WDPCP: variants seen among roughly 807,000 people sequenced by gnomAD.
WDPCP encodes WD repeat containing planar cell polarity effector, also known as WD repeat-containing and planar cell polarity effector protein fritz homolog.
WDPCP carries 71 observed loss-of-function variants against 93.1 expected under a neutral mutation model. The ratio of observed to expected loss-of-function variants is 0.76; its 90% CI spans 0.63 to 0.93. The LOEUF is 0.93. Among genes scored for constraint, WDPCP ranks in the 40% least tolerant of loss-of-function variants. WDPCP has a pLI of 0.00. For synonymous variants in WDPCP, 315 were observed against 315.0 expected, an observed-to-expected ratio of 1.00 and a Z score of 0.00; for missense variants, 844 against 887.4, an observed-to-expected ratio of 0.95 and a Z score of 0.62.
intron 6 of WDPCP, chr2:63,441,889 A>G (rs1436060460): frequency 6.6e-6 from 1 of 152,180 alleles, no homozygotes; most frequent in Non-Finnish European, 1.5e-5. Context: ...GCTCAAAAAG[A>G]AATCAAATAT....
At chr2:63,784,441 C>T (rs899009178) in intron 2 of WDPCP, among the ~76,000 whole-genome samples, 4 of 151,760 alleles carry the variant, frequency 2.6e-5, no homozygotes, top group Non-Finnish European at 5.9e-5. Flanking sequence ...GAATGTGGGT[C>T]CAAAAAAGCT....
chr2:63,492,815 C>T, intron 2 of WDPCP, 41 bp downstream of exon 2: 1 of 1,560,930 alleles, frequency 6.4e-7, no homozygotes, highest in Non-Finnish European at 8.8e-7. Flanking sequence ...AATGGTGTAA[C>T]ATATTTGAAA....
At chr2:63,135,017 G>C (rs1196503417) in intron 17 of WDPCP, among the ~76,000 whole-genome samples, 2 of 152,102 alleles carry the variant, frequency 1.3e-5, no homozygotes, top group Admixed American at 1.3e-4. Context: ...TAGCTACCTG[G>C]GAGGCTCAGG....
At chr2:63,638,605 T>C (rs181219945) in intron 3 of WDPCP, among the ~76,000 whole-genome samples, 3 of 152,054 alleles carry the variant, frequency 2.0e-5, no homozygotes, top group Non-Finnish European at 2.9e-5. Flanking sequence ...GTCTGGGCAA[T>C]ATAGTGAGAC....
intron 10 of WDPCP, among the ~76,000 whole-genome samples, chr2:63,382,484 A>C (rs535070637): frequency 3.3e-5 from 5 of 152,198 alleles, no homozygotes; most frequent in Non-Finnish European, 4.4e-5. Flanking sequence ...GTAATTTTTT[A>C]AATCTTTTCA....
intron 6 of WDPCP, among the ~76,000 whole-genome samples, chr2:63,446,880 T>C (rs1284413980): frequency 1.3e-5 from 2 of 152,248 alleles, no homozygotes; most frequent in Admixed American, 1.3e-4. Context: ...GTCTCTTGAA[T>C]AACTTATCCG....
intron 3 of WDPCP, chr2:63,599,512 G>A (rs1186589731): frequency 3.5e-5 from 12 of 344,864 alleles, no homozygotes; most frequent in South Asian, 1.7e-4. Context: ...ACTTGATTTC[G>A]TCTTTAACTA....
intron 14 of WDPCP, among the ~76,000 whole-genome samples, chr2:63,226,588 C>T (rs1678311456): frequency 6.6e-6 from 1 of 151,732 alleles, no homozygotes; most frequent in African/African-American, 2.4e-5. Flanking sequence ...CCCAGCTATT[C>T]CTTCTGCTTA....
At chr2:63,826,323 G>A (rs1272454896) in intron 1 of WDPCP, among the ~76,000 whole-genome samples, 4 of 151,370 alleles carry the variant, frequency 2.6e-5, no homozygotes, top group Non-Finnish European at 5.9e-5. Context: ...AGGCCACTCT[G>A]CCTCGCTAGT....
At chr2:63,336,895 C>CTTT (rs70965120) in intron 12 of WDPCP, among the ~76,000 whole-genome samples, 2,737 of 122,280 alleles carry the variant, frequency 0.022, 258 homozygotes, top group African/African-American at 0.07. Flanking sequence ...ATGAGAGTCA[C>CTTT]TTTTTTTTTT....
chr2:63,705,146 C>T (rs1669129176), intron 2 of WDPCP, among the ~76,000 whole-genome samples: 1 of 152,054 alleles, frequency 6.6e-6, no homozygotes, highest in Admixed American at 6.5e-5. Flanking sequence ...GTGGTGATAT[C>T]CCCTTTGTCA....
At chr2:63,177,862 T>C (rs1439010078) in intron 14 of WDPCP, among the ~76,000 whole-genome samples, 1 of 152,148 alleles carries the variant, frequency 6.6e-6, no homozygotes, top group African/African-American at 2.4e-5. Context: ...TCTTTTCATG[T>C]ATAGCCTTTA....
At chr2:63,250,102 T>C (rs1042158533) in intron 14 of WDPCP, among the ~76,000 whole-genome samples, 4 of 152,198 alleles carry the variant, frequency 2.6e-5, no homozygotes, top group Non-Finnish European at 5.9e-5. Flanking sequence ...TGCATCTCTT[T>C]GTTATATCTG....
intron 2 of WDPCP, chr2:63,717,773 A>C: frequency 2.9e-6 from 1 of 349,254 alleles, no homozygotes; most frequent in Non-Finnish European, 5.5e-6. Context: ...ATTACTACAT[A>C]GTCCTATTTG....
chr2:63,323,626 T>C (rs570738892), intron 12 of WDPCP, among the ~76,000 whole-genome samples: 11 of 152,298 alleles, frequency 7.2e-5, no homozygotes, highest in Admixed American at 3.3e-4. Flanking sequence ...AACATCTTTA[T>C]AGGACATGGT....
chr2:63,486,737 G>A, intron 3 of WDPCP, 151 bp from the exon 4 acceptor site: 1 of 701,800 alleles, frequency 1.4e-6, no homozygotes, highest in Non-Finnish European at 2.2e-6. Context: ...GGTTCTAAAA[G>A]GACAGTTGAA....
intron 2 of WDPCP, among the ~76,000 whole-genome samples, chr2:63,722,498 G>T (rs1180265308): frequency 7.6e-4 from 97 of 128,064 alleles, no homozygotes; most frequent in Admixed American, 1.1e-3. Flanking sequence ...CCCGGCAGCC[G>T]CCCCGTCTGG....
At chr2:63,249,612 A>AT (rs954375254) in intron 14 of WDPCP, among the ~76,000 whole-genome samples, 24 of 152,186 alleles carry the variant, frequency 1.6e-4, no homozygotes, top group African/African-American at 3.4e-4. Flanking sequence ...TTTACCTCTG[A>AT]TTTTTTATGT....
In WDPCP at chr2:63,216,963, G is replaced by A. The variant is rs115187272; in HGVS notation, c.1916-42131C>T. Among the ~76,000 whole-genome samples, 896 of 152,226 alleles carry A rather than the reference G, an allele frequency of 5.9e-3. 4 individuals carry two copies. Among genetic ancestry groups the A allele is most frequent in the African/African-American group, 0.02 (848 of 41,544 alleles). On this transcript the variant is annotated intron_variant, in intron 14 of 17. Transcript: ENST00000272321. The stretch of plus-strand genomic sequence containing the variant: ...CTTCCAATAATTATTCTGGCAATTG[G>A]TAGGATTCTTGAACCTATCAAATAC...
Sources: allele counts gnomAD v4.1 joint callset (sites outside exome capture counted in the v4.1 genomes callset), GRCh38; gene constraint gnomAD v4.1.1; transcripts MANE v1.5; gene names NCBI Gene and HGNC (gene_info 2026-07-23, HGNC 2026-07-21).